The following SORCS2 variants were observed in gnomAD, a reference collection of about 807,000 sequenced individuals.
The protein encoded by SORCS2 is sortilin related VPS10 domain containing receptor 2.
A neutral mutation model predicts 141.6 loss-of-function variants in SORCS2; 100 were observed. The observed-to-expected ratio is 0.71, with a 90% CI of 0.60 to 0.83. SORCS2 has a LOEUF of 0.83. Ranked by LOEUF, SORCS2 falls within the 40% of genes least tolerant of loss-of-function variation. The pLI, the probability that SORCS2 is intolerant of heterozygous loss-of-function variation, is 0.00. For synonymous variants in SORCS2, 789 were observed against 676.9 expected (o/e 1.17, Z -2.57); for missense variants, 1,646 against 1,560.2 (o/e 1.05, Z -0.93).
At chr4:7,269,931 G>A (rs1174987470) in intron 1 of SORCS2, among the ~76,000 whole-genome samples, 1 of 152,246 alleles carries the variant, frequency 6.6e-6, no homozygotes, top group Non-Finnish European at 1.5e-5. Context: ...CCAGGCTGGA[G>A]TGCAGTGGCG....
At chr4:7,621,220 G>A (rs1436589514) in intron 3 of SORCS2, among the ~76,000 whole-genome samples, 2 of 152,234 alleles carry the variant, frequency 1.3e-5, no homozygotes, top group African/African-American at 2.4e-5. Flanking sequence ...GTGGGAAGTA[G>A]GGGCACAGGG....
At chr4:7,257,905 G>A (rs1045581698) in intron 1 of SORCS2, among the ~76,000 whole-genome samples, 5 of 152,190 alleles carry the variant, frequency 3.3e-5, no homozygotes, top group Admixed American at 1.3e-4. Context: ...ATGGGTTCCT[G>A]CAACTTTCTC....
intron 3 of SORCS2, among the ~76,000 whole-genome samples, chr4:7,596,164 G>C (rs540028746): frequency 6.6e-6 from 1 of 152,248 alleles, no homozygotes; most frequent in South Asian, 2.1e-4. Context: ...GTGTGAGGCA[G>C]AAATAAGTAT....
intron 2 of SORCS2, among the ~76,000 whole-genome samples, chr4:7,448,494 CCTTT>C: frequency 8.3e-6 from 1 of 120,418 alleles, no homozygotes; most frequent in Non-Finnish European, 1.6e-5. Context: ...TGTCTCCCTT[CCTTT>C]CCTTTCCATC....
intron 3 of SORCS2, among the ~76,000 whole-genome samples, chr4:7,538,586 AT>A (rs1712318999): frequency 1.4e-5 from 1 of 70,552 alleles, no homozygotes; most frequent in Non-Finnish European, 3.5e-5. Context: ...GAATATTAAA[AT>A]CACACACACA....
At chr4:7,527,329 T>G (rs1733758400) in intron 2 of SORCS2, among the ~76,000 whole-genome samples, 1 of 152,232 alleles carries the variant, frequency 6.6e-6, no homozygotes, top group African/African-American at 2.4e-5. Flanking sequence ...TGAAGGATCT[T>G]GGGATTATCC....
chr4:7,283,484 C>T (rs1029307258), intron 1 of SORCS2, among the ~76,000 whole-genome samples: 2 of 152,084 alleles, frequency 1.3e-5, no homozygotes, highest in South Asian at 2.1e-4. Context: ...AGCCTCAGGG[C>T]GGGGGTCTGG....
chr4:7,666,999 A>G (rs1722543914), intron 7 of SORCS2, 125 bp from the exon 8 acceptor site: 1 of 844,548 alleles, frequency 1.2e-6, no homozygotes. Flanking sequence ...TTTCAAGCAG[A>G]ACAGGTAGAA....
intron 8 of SORCS2, among the ~76,000 whole-genome samples, chr4:7,673,883 G>C (rs1302651964): frequency 1.3e-5 from 2 of 152,124 alleles, no homozygotes; most frequent in Admixed American, 6.5e-5. Flanking sequence ...CATCCTCCCT[G>C]ACAATCTGAC....
intron 1 of SORCS2, among the ~76,000 whole-genome samples, chr4:7,262,366 C>A (rs141009717): frequency 1.8e-4 from 24 of 135,078 alleles, no homozygotes; most frequent in Admixed American, 8.7e-4. Context: ...ATCCACCCAC[C>A]TATCCATCTA....
chr4:7,740,300 G>T lies in SORCS2; in HGVS notation c.*36G>T. 6.3e-7 allele frequency: 1 copy of T among 1,590,796 alleles called. No homozygotes were observed. ...GCATCTGTCTTTTCACCCACGGAGG[G>T]CACAGAACCACCAGCAAAGCCGGCG... On this transcript the variant is annotated 3_prime_UTR_variant, in exon 27 of 27. Coordinates refer to ENST00000507866, the MANE Select transcript of SORCS2 (RefSeq NM_020777.3).
chr4:7,358,039 T>A (rs1474185803), intron 1 of SORCS2, among the ~76,000 whole-genome samples: 1 of 152,022 alleles, frequency 6.6e-6, no homozygotes, highest in African/African-American at 2.4e-5. Flanking sequence ...AGGAGAGGAG[T>A]GCGCTGGCTC....
chr4:7,632,542 A>T (rs1719959923), intron 3 of SORCS2, among the ~76,000 whole-genome samples: 1 of 152,072 alleles, frequency 6.6e-6, no homozygotes, highest in South Asian at 2.1e-4. Flanking sequence ...GCCCCGGCCC[A>T]GATTGCTGGG....
intron 10 of SORCS2, among the ~76,000 whole-genome samples, chr4:7,683,724 G>C (rs887691585): frequency 3.3e-5 from 5 of 152,212 alleles, no homozygotes; most frequent in African/African-American, 1.2e-4. Context: ...GTAAGTGATA[G>C]AGCTGGGCCA....
intron 1 of SORCS2, among the ~76,000 whole-genome samples, chr4:7,261,545 C>T (rs1439805676): frequency 6.6e-6 from 1 of 152,244 alleles, no homozygotes; most frequent in African/African-American, 2.4e-5. Flanking sequence ...TATGGATCCT[C>T]TCTTTAAACA....
At chr4:7,679,097 C>T (rs1048654581) in intron 9 of SORCS2, among the ~76,000 whole-genome samples, 1 of 150,660 alleles carries the variant, frequency 6.6e-6, no homozygotes, top group African/African-American at 2.5e-5. Context: ...CTGTTGCTGT[C>T]GTGGTTGTTG....
intron 3 of SORCS2, among the ~76,000 whole-genome samples, chr4:7,566,641 G>A (rs1715039895): frequency 6.6e-6 from 1 of 152,238 alleles, no homozygotes; most frequent in Admixed American, 6.5e-5. Context: ...CAGGCCTGTG[G>A]GTGGTCCCCC....
intron 3 of SORCS2, among the ~76,000 whole-genome samples, chr4:7,536,510 G>T (rs1306147093): frequency 6.6e-6 from 1 of 152,178 alleles, no homozygotes; most frequent in Admixed American, 6.5e-5. Context: ...GTACAGGGCT[G>T]GTCTTCAGAC....
chr4:7,356,369 A>G (rs1380175947), intron 1 of SORCS2, among the ~76,000 whole-genome samples: 1 of 152,212 alleles, frequency 6.6e-6, no homozygotes, highest in Non-Finnish European at 1.5e-5. Flanking sequence ...TGGGAAGTCC[A>G]AGGTCAAGGC....
Sources: allele counts gnomAD v4.1 joint callset (sites outside exome capture counted in the v4.1 genomes callset), GRCh38; gene constraint gnomAD v4.1.1; transcripts MANE v1.5; gene names NCBI Gene and HGNC (gene_info 2026-07-23, HGNC 2026-07-21).